The following ULK4 variants were observed in gnomAD, a reference collection of about 807,000 sequenced individuals.
ULK4 encodes the protein unc-51 like kinase 4.
In ULK4, 133 loss-of-function variants were observed where a neutral mutation model predicts 160.6. The ratio of observed to expected loss-of-function variants is 0.83; its 90% CI spans 0.72 to 0.96. ULK4 has a LOEUF of 0.96. Among genes scored for constraint, ULK4 ranks in the 40% least tolerant of loss-of-function variants. The probability of loss-of-function intolerance (pLI) is 0.00; values close to 1 mark genes in which losing one functional copy is unlikely to be tolerated. For synonymous variants in ULK4, 534 were observed against 539.8 expected (o/e 0.99, Z 0.15); for missense variants, 1,580 against 1,499.5 (o/e 1.05, Z -0.89).
At chr3:41,633,850 C>T (rs2033845551) in intron 30 of ULK4, among the ~76,000 whole-genome samples, 1 of 152,120 alleles carries the variant, frequency 6.6e-6, no homozygotes, top group African/African-American at 2.4e-5. Flanking sequence ...CCATGACCAC[C>T]ACCCAGAGCA....
At chr3:41,835,542 T>C (rs1037151175) in intron 18 of ULK4, among the ~76,000 whole-genome samples, 1 of 152,224 alleles carries the variant, frequency 6.6e-6, no homozygotes, top group African/African-American at 2.4e-5. Flanking sequence ...GGTCTCCTCT[T>C]GCCTAAAGGA....
intron 17 of ULK4, among the ~76,000 whole-genome samples, chr3:41,881,803 C>T (rs1416907170): frequency 1.3e-5 from 2 of 152,162 alleles, no homozygotes; most frequent in African/African-American, 4.8e-5. Flanking sequence ...ACAAGAACCT[C>T]GGGAATTAAC....
chr3:41,925,786 T>C (rs766917174), intron 5 of ULK4, among the ~76,000 whole-genome samples: 60 of 151,792 alleles, frequency 4.0e-4, no homozygotes, highest in Admixed American at 1.6e-3. Context: ...CAAAGCCACA[T>C]GGAAGAGCGA....
At chr3:41,469,602 C>CAAA (rs71616008) in intron 32 of ULK4, among the ~76,000 whole-genome samples, 83 of 11,182 alleles carry the variant, frequency 7.4e-3, no homozygotes, top group East Asian at 0.013. Context: ...CTACACCTGC[C>CAAA]AAAAAAAAAA....
At chr3:41,828,733 T>C (rs144231207) in intron 18 of ULK4, among the ~76,000 whole-genome samples, 8,238 of 151,824 alleles carry the variant, frequency 0.054, 405 homozygotes, top group East Asian at 0.16. Flanking sequence ...AGATAATTTA[T>C]AGATTCAACG....
At chr3:41,446,075 G>A (rs1575230084) in intron 34 of ULK4, among the ~76,000 whole-genome samples, 1 of 152,118 alleles carries the variant, frequency 6.6e-6, no homozygotes. Context: ...GATATGAACA[G>A]ACACTTCTCA....
intron 35 of ULK4, among the ~76,000 whole-genome samples, chr3:41,375,336 G>C (rs948919276): frequency 6.6e-6 from 1 of 151,726 alleles, no homozygotes; most frequent in Non-Finnish European, 1.5e-5. Flanking sequence ...ACAATCCTAA[G>C]CAAAAAGAAC....
At chr3:41,482,452 GC>G (rs1479004384) in intron 32 of ULK4, among the ~76,000 whole-genome samples, 1 of 151,960 alleles carries the variant, frequency 6.6e-6, no homozygotes, top group Non-Finnish European at 1.5e-5. Context: ...GAAACTTGGG[GC>G]AAGGGGCTTC....
intron 35 of ULK4, among the ~76,000 whole-genome samples, chr3:41,396,097 C>A (rs750227327): frequency 6.6e-6 from 1 of 152,024 alleles, no homozygotes; most frequent in Non-Finnish European, 1.5e-5. Context: ...ATCTAGAAAG[C>A]TCTGAAAATC....
intron 17 of ULK4, chr3:41,854,860 A>T (rs762614249): frequency 6.6e-6 from 1 of 151,498 alleles, no homozygotes; most frequent in Non-Finnish European, 1.5e-5. Context: ...TCCAATACTC[A>T]AGAACTTACC....
intron 31 of ULK4, 84 bp from the exon 32 acceptor site, chr3:41,566,214 T>G: frequency 9.4e-7 from 1 of 1,058,226 alleles, no homozygotes; most frequent in Non-Finnish European, 1.4e-6. Flanking sequence ...TGATGTCCAC[T>G]GCTTCATTCT....
chr3:41,715,687 GCAGA>G, intron 23 of ULK4, 119 bp from the exon 24 acceptor site: 1 of 1,301,446 alleles, frequency 7.7e-7, no homozygotes, highest in Non-Finnish European at 1.0e-6. Context: ...AATAAAATAA[GCAGA>G]TATACTTATT....
At chr3:41,338,649 G>T (rs1480044547) in intron 35 of ULK4, among the ~76,000 whole-genome samples, 1 of 152,146 alleles carries the variant, frequency 6.6e-6, no homozygotes, top group Non-Finnish European at 1.5e-5. Context: ...AAAAGATCCA[G>T]TGTACTTTGG....
chr3:41,497,174 T>G (rs1295521911), intron 32 of ULK4, among the ~76,000 whole-genome samples: 1 of 151,820 alleles, frequency 6.6e-6, no homozygotes, highest in Non-Finnish European at 1.5e-5. Flanking sequence ...CTTTAGGAAA[T>G]AGAAAACATA....
At chr3:41,957,476 C>G (rs1426246758) in intron 1 of ULK4, among the ~76,000 whole-genome samples, 1 of 144,216 alleles carries the variant, frequency 6.9e-6, no homozygotes, top group Non-Finnish European at 1.5e-5. Context: ...ATCAATCTTT[C>G]ATAACCTGGC....
intron 21 of ULK4, among the ~76,000 whole-genome samples, chr3:41,781,810 G>T (rs554153720): frequency 6.6e-6 from 1 of 152,118 alleles, no homozygotes; most frequent in Admixed American, 6.5e-5. Context: ...GTGGTGCCAG[G>T]CACCTGTAAT....
chr3:41,567,792 A>T (rs911383649), intron 31 of ULK4, among the ~76,000 whole-genome samples: 2 of 152,078 alleles, frequency 1.3e-5, no homozygotes. Flanking sequence ...TACTTTTTAA[A>T]TGCTGAAGCC....
At chr3:41,578,174 T>C (rs1425610473) in intron 31 of ULK4, among the ~76,000 whole-genome samples, 1 of 152,242 alleles carries the variant, frequency 6.6e-6, no homozygotes, top group Non-Finnish European at 1.5e-5. Flanking sequence ...GTTGAAATTT[T>C]AACCCAAGAG....
At chr3:41,490,129 C>T (rs1335519765) in intron 32 of ULK4, among the ~76,000 whole-genome samples, 1 of 152,116 alleles carries the variant, frequency 6.6e-6, no homozygotes, top group Non-Finnish European at 1.5e-5. Context: ...TTTCTTGATC[C>T]AGTTCTGGTG....
Sources: gnomAD v4.1 joint callset for allele counts (sites outside exome capture counted in the v4.1 genomes callset) on GRCh38, gnomAD v4.1.1 for gene constraint, MANE v1.5 for transcripts, NCBI Gene and HGNC (gene_info 2026-07-23, HGNC 2026-07-21) for gene names.